SNU13: variants seen among roughly 807,000 people sequenced by gnomAD.
SNU13 encodes NHP2-like protein 1.
In SNU13, 2 loss-of-function variants were observed where a neutral mutation model predicts 12.4. The observed-to-expected ratio is 0.16, with a 90% CI of 0.07 to 0.51. SNU13 has a LOEUF of 0.51. Ranked by LOEUF, SNU13 falls within the 20% of genes least tolerant of loss-of-function variation. SNU13 has a pLI of 0.96. For missense variants in SNU13, 66 were observed against 157.8 expected (o/e 0.42, Z 3.12); for synonymous variants, 68 against 66.5 (o/e 1.02, Z -0.11).
intron 2 of SNU13, among the ~76,000 whole-genome samples, chr22:41,678,844 G>A (rs1459476262): frequency 1.3e-5 from 2 of 152,194 alleles, no homozygotes; most frequent in Non-Finnish European, 2.9e-5. Flanking sequence ...AGGTAAAAGC[G>A]ATTGTAATAG....
chr22:41,681,988 CT>C (rs2068267447), intron 1 of SNU13, among the ~76,000 whole-genome samples: 1 of 52,204 alleles, frequency 1.9e-5, no homozygotes, highest in Non-Finnish European at 3.8e-5. Context: ...ATTAATTTTT[CT>C]CTTTTTTTTT....
intron 1 of SNU13, among the ~76,000 whole-genome samples, chr22:41,681,738 C>T (rs887213900): frequency 6.6e-6 from 1 of 152,136 alleles, no homozygotes; most frequent in South Asian, 2.1e-4. Context: ...AGGGGACGAG[C>T]GCGGTGTCTC....
At chr22:41,678,760 C>T (rs546489114) in intron 2 of SNU13, among the ~76,000 whole-genome samples, 2 of 152,296 alleles carry the variant, frequency 1.3e-5, no homozygotes, top group East Asian at 1.9e-4. Context: ...GCAGTTACTG[C>T]AGTGTGACGA....
At chr22:41,683,900 T>TG (rs200381931) in intron 1 of SNU13, among the ~76,000 whole-genome samples, 1,583 of 150,538 alleles carry the variant, frequency 0.011, 28 homozygotes, top group African/African-American at 0.037. Context: ...AGGAGCAGGG[T>TG]TTTTTTTTGT....
At chr22:41,689,803 C>A (rs1016408407), upstream of SNU13, among the ~76,000 whole-genome samples, 1 of 150,464 alleles carries the variant, frequency 6.6e-6, no homozygotes, top group Non-Finnish European at 1.5e-5. Flanking sequence ...TATGGAGAAA[C>A]CCCCGTCTCT....
chr22:41,686,657 T>G (rs557107475), intron 1 of SNU13, among the ~76,000 whole-genome samples: 1 of 147,178 alleles, frequency 6.8e-6, no homozygotes, highest in Non-Finnish European at 1.5e-5. Flanking sequence ...GACACAGTCT[T>G]GCTTTGTCAC....
chr22:41,675,231 T>C (rs955838740), intron 2 of SNU13, 36 bp from the exon 3 acceptor site: 12 of 1,601,562 alleles, frequency 7.5e-6, no homozygotes, highest in Non-Finnish European at 8.5e-6. Flanking sequence ...ATAGGTGATG[T>C]GGGCTTGGGC....
chr22:41,682,603 TGAAG>T (rs1201425928), intron 1 of SNU13: 7 of 1,423,888 alleles, frequency 4.9e-6, no homozygotes, highest in Non-Finnish European at 6.4e-6. Flanking sequence ...AAGAATTAGG[TGAAG>T]GATGGAGGAG....
chr22:41,690,429 C>T (rs1402427476), upstream of SNU13: 5 of 719,688 alleles, frequency 6.9e-6, no homozygotes, highest in Middle Eastern at 4.5e-4. Context: ...CCAATACTGT[C>T]CTTACCTGCA....
chr22:41,685,120 A>G (rs2068299940), intron 1 of SNU13, among the ~76,000 whole-genome samples: 2 of 143,080 alleles, frequency 1.4e-5, no homozygotes, highest in African/African-American at 5.3e-5. Context: ...ATGCCACTTC[A>G]CTCCAGCCTG....
In SNU13 at chr22:41,681,504, G is replaced by GT. The variant is rs1482298034; in HGVS notation, c.4-1141dup. 1.1e-4 allele frequency: 17 copies of GT among 152,300 alleles called. 2 individuals carry two copies. In the South Asian group the frequency reaches 3.1e-3, roughly 28 times the overall value. 9.4% of individuals were successfully genotyped at this position (152,300 alleles called of 1,614,324 possible). A position where few individuals can be genotyped will look rare whatever the true frequency, so the allele number is the denominator to read the frequency against. ...ATCTTCTGTGCCTTTCCTAAATGCT[G>GT]TATTAGGCGGTAACCAGGTAGAAGA... is the stretch of plus-strand genomic sequence containing the variant. On this transcript the variant is annotated intron_variant, in intron 1 of 2. Coordinates refer to ENST00000401959, the MANE Select transcript of SNU13 (RefSeq NM_001003796.2).
rs1303471651 is a variant in SNU13, at chr22:41,674,361, C to G, written c.*572G>C. Reference sequence around the variant, plus strand: ...GTTGTGGGTAGGGGGAGAACATCAACATCACATTACCAAAAGCAAACAGCA... The same window carrying G: ...GTTGTGGGTAGGGGGAGAACATCAAGATCACATTACCAAAAGCAAACAGCA... On this transcript the variant is annotated 3_prime_UTR_variant, in exon 3 of 3. Coordinates refer to ENST00000401959, the MANE Select transcript of SNU13 (RefSeq NM_001003796.2). 6.5e-6 allele frequency: 1 copy of G among 154,184 alleles called. No homozygotes were observed. Among genetic ancestry groups the G allele is most frequent in the African/African-American group, 2.4e-5 (1 of 41,448 alleles). The allele number at this position is 154,184 out of a possible 1,614,324, so 9.6% of individuals were successfully genotyped here.
At chr22:41,689,846 C>T (rs1186561882), upstream of SNU13, among the ~76,000 whole-genome samples, 2 of 151,850 alleles carry the variant, frequency 1.3e-5, no homozygotes, top group East Asian at 1.9e-4. Context: ...GGCGTGGTGG[C>T]GCATGCCTGT....
chr22:41,680,900 G>A (rs914417114), intron 1 of SNU13, among the ~76,000 whole-genome samples: 1 of 152,164 alleles, frequency 6.6e-6, no homozygotes, highest in African/African-American at 2.4e-5. Context: ...CACCGTGTTG[G>A]CCAGGCTGGT....
intron 1 of SNU13, 134 bp downstream of exon 1, chr22:41,688,660 A>C: frequency 7.8e-7 from 1 of 1,279,906 alleles, no homozygotes; most frequent in Non-Finnish European, 1.1e-6. Context: ...GGTTCTAACT[A>C]AGGGCCCGGC....
chr22:41,686,940 T>C (rs1013600199), intron 1 of SNU13, among the ~76,000 whole-genome samples: 1 of 148,938 alleles, frequency 6.7e-6, no homozygotes, highest in Non-Finnish European at 1.5e-5. Context: ...TTTTGGTTAA[T>C]AATTTATCAC....
chr22:41,678,836 G>A (rs2068236731), intron 2 of SNU13, among the ~76,000 whole-genome samples: 1 of 152,186 alleles, frequency 6.6e-6, no homozygotes, highest in Admixed American at 6.5e-5. Context: ...AGCAACACAG[G>A]TAAAAGCGAT....
chr22:41,688,961 G>A (rs769135197), upstream of SNU13: 14 of 1,357,982 alleles, frequency 1.0e-5, no homozygotes, highest in South Asian at 1.7e-5. Flanking sequence ...CTCTACGGGG[G>A]CACTGGCGCG....
chr22:41,688,757 C>A, intron 1 of SNU13, 37 bp downstream of exon 1: 1 of 1,599,094 alleles, frequency 6.3e-7, no homozygotes, highest in Middle Eastern at 1.7e-4. Flanking sequence ...CCCTGAGTCT[C>A]CCGCTTCCCG....
Sources: allele counts gnomAD v4.1 joint callset (sites outside exome capture counted in the v4.1 genomes callset), GRCh38; gene constraint gnomAD v4.1.1; transcripts MANE v1.5; gene names NCBI Gene and HGNC (gene_info 2026-07-23, HGNC 2026-07-21).